KCNB2: variants seen among roughly 807,000 people sequenced by gnomAD.
KCNB2 encodes delayed rectifier potassium channel protein.
A neutral mutation model predicts 61.5 loss-of-function variants in KCNB2; 15 were observed. The ratio of observed to expected loss-of-function variants is 0.24; its 90% CI spans 0.16 to 0.38. The LOEUF (loss-of-function observed/expected upper bound fraction) is 0.38. Among genes scored for constraint, KCNB2 ranks in the 10% least tolerant of loss-of-function variants. The pLI, the probability that KCNB2 is intolerant of heterozygous loss-of-function variation, is 1.00. For synonymous variants in KCNB2, 457 were observed against 446.0 expected (o/e 1.02, Z -0.31); for missense variants, 828 against 1,125.2 (o/e 0.74, Z 3.78).
intron 2 of KCNB2, among the ~76,000 whole-genome samples, chr8:72,871,435 T>A (rs982259639): frequency 6.6e-6 from 1 of 152,312 alleles, no homozygotes; most frequent in Non-Finnish European, 1.5e-5. Context: ...AATATCAAAT[T>A]TCATGAGAAG....
At chr8:72,912,489 CATATAT>C (rs5892374) in intron 2 of KCNB2, among the ~76,000 whole-genome samples, 154 of 137,322 alleles carry the variant, frequency 1.1e-3, no homozygotes, top group African/African-American at 3.2e-3. Context: ...AGCTTTTATT[CATATAT>C]ATATATATAT....
intron 2 of KCNB2, among the ~76,000 whole-genome samples, chr8:72,586,415 G>C (rs1807001612): frequency 6.6e-6 from 1 of 152,154 alleles, no homozygotes; most frequent in South Asian, 2.1e-4. Context: ...TTTATAAATT[G>C]AAATCATTTT....
intron 2 of KCNB2, among the ~76,000 whole-genome samples, chr8:72,588,747 A>AT (rs1331027929): frequency 1.1e-4 from 17 of 151,456 alleles, no homozygotes; most frequent in South Asian, 8.4e-4. Flanking sequence ...AAATAAATAA[A>AT]AAAAAAATTA....
At chr8:72,688,321 GC>G (rs1297847493) in intron 2 of KCNB2, among the ~76,000 whole-genome samples, 5 of 152,072 alleles carry the variant, frequency 3.3e-5, no homozygotes, top group African/African-American at 1.2e-4. Flanking sequence ...CATTGCTGTA[GC>G]CCCCAGGACC....
chr8:72,849,241 T>A (rs1179211919), intron 2 of KCNB2, among the ~76,000 whole-genome samples: 1 of 151,914 alleles, frequency 6.6e-6, no homozygotes, highest in East Asian at 1.9e-4. Context: ...TAATTGTACA[T>A]ATAGGGTACA....
intron 2 of KCNB2, among the ~76,000 whole-genome samples, chr8:72,589,732 C>T (rs998249677): frequency 6.6e-6 from 1 of 152,174 alleles, no homozygotes; most frequent in African/African-American, 2.4e-5. Flanking sequence ...CTTTCTTTTG[C>T]TCTGAATTTT....
chr8:72,906,226 A>C (rs1458713947), intron 2 of KCNB2, among the ~76,000 whole-genome samples: 6 of 152,176 alleles, frequency 3.9e-5, no homozygotes, highest in Non-Finnish European at 8.8e-5. Context: ...TTTTCCACTA[A>C]AAACAATTCA....
intron 2 of KCNB2, among the ~76,000 whole-genome samples, chr8:72,698,032 A>G (rs562875172): frequency 2.0e-5 from 3 of 152,070 alleles, no homozygotes; most frequent in Non-Finnish European, 4.4e-5. Context: ...GAAACAAAGA[A>G]AGGGCATTCA....
chr8:72,545,022 T>C (rs1437899115), intron 1 of KCNB2, among the ~76,000 whole-genome samples: 1 of 152,160 alleles, frequency 6.6e-6, no homozygotes, highest in African/African-American at 2.4e-5. Context: ...TATTTCTGTA[T>C]CATGGAAAGG....
chr8:72,887,469 T>C (rs1443108738), intron 2 of KCNB2, among the ~76,000 whole-genome samples: 1 of 152,152 alleles, frequency 6.6e-6, no homozygotes, highest in Non-Finnish European at 1.5e-5. Context: ...CAATTTCAGA[T>C]AAACTCTGTA....
rs146297405 is a variant in KCNB2 at position 72,937,230 on chromosome 8, C to T, written c.1875C>T (p.Ser625=). ...AGAGATCGCCGCTGCCGCCGCCCTC[C>T]GCCTCTCACTTGCAGATGAAGTTCC... is the stretch of plus-strand genomic sequence containing the variant. ...ETERSPLPPP[S]ASHLQMKFPT... is the part of the protein sequence containing the mutation. Residue 625 remains serine (S), a synonymous_variant, in exon 3 of 3, where the codon TCC becomes TCT. Transcript: ENST00000523207. 849 of 1,614,054 alleles carry T rather than the reference C, an allele frequency of 5.3e-4. 3 individuals are homozygous for T. The African/African-American group carries it at 6.0e-3, about 11-fold the overall frequency.
intron 2 of KCNB2, among the ~76,000 whole-genome samples, chr8:72,888,640 G>A (rs1480368377): frequency 6.6e-6 from 1 of 152,082 alleles, no homozygotes; most frequent in Admixed American, 6.5e-5. Flanking sequence ...TCAGTACTTT[G>A]CCATCATTAA....
At chr8:72,826,513 G>A (rs1051123578) in intron 2 of KCNB2, among the ~76,000 whole-genome samples, 7 of 152,312 alleles carry the variant, frequency 4.6e-5, no homozygotes, top group East Asian at 1.9e-4. Flanking sequence ...AGCTGTTCCC[G>A]TACCTCACGG....
intron 2 of KCNB2, among the ~76,000 whole-genome samples, chr8:72,684,397 A>G (rs1806813629): frequency 6.6e-6 from 1 of 152,178 alleles, no homozygotes; most frequent in African/African-American, 2.4e-5. Flanking sequence ...AGCTGACAGT[A>G]TATATAGGTG....
intron 2 of KCNB2, among the ~76,000 whole-genome samples, chr8:72,749,065 G>C (rs1808136831): frequency 6.6e-6 from 1 of 151,808 alleles, no homozygotes. Context: ...AGAACCTCAG[G>C]GTCTTTTCTA....
In KCNB2 at chr8:72,937,923, G is replaced by A. The variant is rs118058550; in HGVS notation, c.2568G>A (p.Pro856=). 0.019 allele frequency: 30,881 copies of A among 1,613,986 alleles called. 350 individuals carry two copies. Among genetic ancestry groups the A allele is most frequent in the Non-Finnish European group, 0.022 (26,358 of 1,179,974 alleles). Residue 856 remains proline, a synonymous_variant, in exon 3 of 3, where the codon CCG becomes CCA. Coordinates refer to ENST00000523207, the MANE Select transcript of KCNB2 (RefSeq NM_004770.3). ...REEGSVGSSS[P]QDTGHNCRQD... The stretch of plus-strand genomic sequence containing the variant: ...AGGGCAGTGTGGGCTCTTCCTCCCC[G>A]CAGGACACAGGTCACAACTGTAGGC...
intron 2 of KCNB2, among the ~76,000 whole-genome samples, chr8:72,815,475 T>C (rs73686527): frequency 0.045 from 6,864 of 152,268 alleles, 192 homozygotes; most frequent in African/African-American, 0.079. Flanking sequence ...TCATTCCCCA[T>C]AGACTATGCA....
intron 1 of KCNB2, among the ~76,000 whole-genome samples, chr8:72,547,024 G>T (rs999300689): frequency 1.3e-4 from 20 of 152,144 alleles, no homozygotes; most frequent in African/African-American, 4.6e-4. Flanking sequence ...TGAATTCATT[G>T]CTTACTTTCT....
chr8:72,736,416 T>G (rs1807847060), intron 2 of KCNB2, among the ~76,000 whole-genome samples: 1 of 152,120 alleles, frequency 6.6e-6, no homozygotes, highest in Admixed American at 6.6e-5. Context: ...GAGTTGTTAT[T>G]AGTAAAATTC....
Sources: allele counts gnomAD v4.1 joint callset (sites outside exome capture counted in the v4.1 genomes callset), GRCh38; gene constraint gnomAD v4.1.1; transcripts MANE v1.5; gene names NCBI Gene and HGNC (gene_info 2026-07-23, HGNC 2026-07-21).